The following FSTL5 variants were observed in gnomAD, a reference collection of about 807,000 sequenced individuals.
FSTL5 encodes follistatin-related protein 5.
In FSTL5, 62 loss-of-function variants were observed where a neutral mutation model predicts 89.1. That is an observed-to-expected ratio of 0.70 (90% CI 0.57 to 0.86). The LOEUF is 0.86. Ranked by LOEUF, FSTL5 falls within the 40% of genes least tolerant of loss-of-function variation. The probability of loss-of-function intolerance (pLI) is 0.00; values close to 1 mark genes in which losing one functional copy is unlikely to be tolerated. For synonymous variants in FSTL5, 383 were observed against 346.2 expected, an observed-to-expected ratio of 1.11 and a Z score of -1.18; for missense variants, 1,057 against 1,001.6, an observed-to-expected ratio of 1.06 and a Z score of -0.75.
chr4:161,487,510 A>C (rs886285562), intron 12 of FSTL5, among the ~76,000 whole-genome samples: 1 of 152,126 alleles, frequency 6.6e-6, no homozygotes. Context: ...TATCTACTTT[A>C]ACAGTATTTA....
chr4:161,858,711 C>T (rs548268862), intron 4 of FSTL5, among the ~76,000 whole-genome samples: 2 of 152,310 alleles, frequency 1.3e-5, no homozygotes, highest in South Asian at 4.1e-4. Context: ...GACTCCAATA[C>T]ATGACCATGT....
chr4:161,687,830 G>C (rs1373876322), intron 6 of FSTL5, among the ~76,000 whole-genome samples: 1 of 152,176 alleles, frequency 6.6e-6, no homozygotes, highest in African/African-American at 2.4e-5. Context: ...TCACAAGTTG[G>C]AAACCTATTT....
chr4:161,848,531 T>A (rs1731448994), intron 4 of FSTL5, among the ~76,000 whole-genome samples: 1 of 152,192 alleles, frequency 6.6e-6, no homozygotes, highest in Non-Finnish European at 1.5e-5. Context: ...ACGTAAAGTT[T>A]CAGGAAATTA....
chr4:161,672,655 A>G (rs903061742), intron 6 of FSTL5, among the ~76,000 whole-genome samples: 5 of 151,648 alleles, frequency 3.3e-5, no homozygotes, highest in Non-Finnish European at 7.4e-5. Context: ...CACCTGTCCC[A>G]AAGTAAAAAG....
intron 7 of FSTL5, among the ~76,000 whole-genome samples, chr4:161,618,430 TG>T (rs1260357568): frequency 2.2e-5 from 3 of 135,096 alleles, no homozygotes; most frequent in African/African-American, 8.6e-5. Flanking sequence ...TTCCAGTTTT[TG>T]CCCATTCAGT....
chr4:161,818,641 G>T lies in FSTL5; in HGVS notation c.410-42567C>A, dbSNP rs1364864401. 2.6e-5 allele frequency among the ~76,000 whole-genome samples: 4 copies of T among 152,144 alleles called. No homozygotes were observed. The East Asian group carries it at 5.8e-4, about 22-fold the overall frequency. The stretch of plus-strand genomic sequence containing the variant: ...GAAGTGAGCCACACCCCCATTGCAC[G>T]CACTGCGATGGGGACAAGGGAGCTT... On this transcript the variant is annotated intron_variant, in intron 4 of 15. Coordinates refer to ENST00000306100, the MANE Select transcript of FSTL5 (RefSeq NM_020116.5).
At chr4:162,002,539 G>C (rs139205779) in intron 3 of FSTL5, among the ~76,000 whole-genome samples, 84 of 152,192 alleles carry the variant, frequency 5.5e-4, no homozygotes, top group African/African-American at 2.0e-3. Flanking sequence ...CAAACAACTG[G>C]CTAACAATGC....
At chr4:161,554,089 G>A (rs1286283699) in intron 8 of FSTL5, among the ~76,000 whole-genome samples, 1 of 151,312 alleles carries the variant, frequency 6.6e-6, no homozygotes, top group Non-Finnish European at 1.5e-5. Flanking sequence ...ACTTAAAAAA[G>A]TAGAAATGAA....
At chr4:161,418,968 G>A (rs376884307) in intron 15 of FSTL5, among the ~76,000 whole-genome samples, 4 of 152,308 alleles carry the variant, frequency 2.6e-5, no homozygotes, top group East Asian at 1.9e-4. Context: ...CCCATCTGCA[G>A]TACTTGTAGT....
chr4:161,538,300 G>A lies in FSTL5; in HGVS notation c.1178C>T (p.Ala393Val), dbSNP rs755332995. The A allele has an allele frequency of 1.2e-6, 2 of 1,613,292 alleles. No individual in the cohort carries two copies. The highest frequency in any genetic ancestry group is 3.3e-5 in the Admixed American group (2 of 59,912). Residue 393 changes from alanine to valine, a missense_variant and splice_region_variant, in exon 10 of 16, where the codon GCA becomes GTA. By Grantham distance (64) the Ala-to-Val change is moderately conservative. This residue lies in a region of FSTL5 where 980 missense variants were observed against 903.2 expected (regional missense o/e 1.08). Transcript: ENST00000306100. ...GCTTATGTGAACCTCACTGCCATTT[G>A]CTGAAAAAAGAAGGGAAATGCAACT... ...PKLSKQLTLQ[A>V]NGSEVHISNV...
intron 4 of FSTL5, among the ~76,000 whole-genome samples, chr4:161,903,445 T>A (rs1441252856): frequency 6.6e-6 from 1 of 152,018 alleles, no homozygotes; most frequent in Admixed American, 6.6e-5. Context: ...TAAAACCACT[T>A]CTTGATTTTC....
intron 3 of FSTL5, among the ~76,000 whole-genome samples, chr4:161,924,630 G>T (rs187348719): frequency 3.3e-5 from 5 of 151,710 alleles, no homozygotes; most frequent in Admixed American, 2.6e-4. Context: ...GCACAAAGGA[G>T]ATTGAGATCA....
At chr4:161,961,266 C>A (rs1200705172) in intron 3 of FSTL5, among the ~76,000 whole-genome samples, 1 of 151,906 alleles carries the variant, frequency 6.6e-6, no homozygotes, top group Non-Finnish European at 1.5e-5. Context: ...CCCACTGCAC[C>A]TTGCTAAGTT....
chr4:161,811,281 A>G (rs369697723), intron 4 of FSTL5, among the ~76,000 whole-genome samples: 2 of 152,166 alleles, frequency 1.3e-5, no homozygotes, highest in South Asian at 4.1e-4. Context: ...ATGGAAGCCG[A>G]AGCAAGAGAG....
At chr4:161,417,189 C>A (rs72681775) in intron 15 of FSTL5, among the ~76,000 whole-genome samples, 14,747 of 152,182 alleles carry the variant, frequency 0.097, 748 homozygotes, top group Non-Finnish European at 0.12. Flanking sequence ...ATTTAACAAG[C>A]AGAAATAACG....
At chr4:161,674,024 G>A (rs1737214984) in intron 6 of FSTL5, among the ~76,000 whole-genome samples, 1 of 151,762 alleles carries the variant, frequency 6.6e-6, no homozygotes, top group African/African-American at 2.4e-5. Context: ...CTTTATTTGG[G>A]CTAGGTACTA....
intron 6 of FSTL5, among the ~76,000 whole-genome samples, chr4:161,667,693 A>G (rs1486679535): frequency 6.6e-6 from 1 of 152,100 alleles, no homozygotes; most frequent in Non-Finnish European, 1.5e-5. Flanking sequence ...TGTGAAGTAC[A>G]TACTGATTCT....
intron 4 of FSTL5, among the ~76,000 whole-genome samples, chr4:161,910,117 G>A (rs1023237077): frequency 2.0e-5 from 3 of 151,980 alleles, no homozygotes; most frequent in Admixed American, 6.6e-5. Flanking sequence ...TTTCAGCAGC[G>A]ATTAATTCAG....
chr4:161,648,156 C>T (rs1736214860), intron 7 of FSTL5, among the ~76,000 whole-genome samples: 3 of 152,180 alleles, frequency 2.0e-5, no homozygotes, highest in African/African-American at 4.8e-5. Flanking sequence ...AGGCAAGAAC[C>T]TCAGGATACA....
Sources: allele counts gnomAD v4.1 joint callset (sites outside exome capture counted in the v4.1 genomes callset), GRCh38; gene constraint gnomAD v4.1.1; regional missense constraint gnomAD v4.1.1; transcripts MANE v1.5; gene names NCBI Gene and HGNC (gene_info 2026-07-23, HGNC 2026-07-21).